The following AP1S3 variants were observed in gnomAD, a reference collection of about 807,000 sequenced individuals.
AP1S3 encodes AP-1 complex subunit sigma-3.
Under a neutral mutation model 20.9 loss-of-function variants are expected in AP1S3, and 10 were observed. The ratio of observed to expected loss-of-function variants is 0.48; its 90% confidence interval spans 0.29 to 0.81. The LOEUF is 0.81. Ranked by LOEUF, AP1S3 falls within the 30% of genes least tolerant of loss-of-function variation. The pLI is 0.08. For missense variants in AP1S3, 154 were observed against 183.8 expected (o/e 0.84, Z 0.94); for synonymous variants, 41 against 61.5 (o/e 0.67, Z 1.56).
At chr2:223,780,353 A>AGTGTGT (rs1559280869) in intron 1 of AP1S3, among the ~76,000 whole-genome samples, 120 of 58,552 alleles carry the variant, frequency 2.0e-3, no homozygotes, top group East Asian at 5.0e-3. Context: ...AGAGAGAGAG[A>AGTGTGT]GAGAGTGTGT....
chr2:223,834,676 G>A (rs1692355883), intron 1 of AP1S3, among the ~76,000 whole-genome samples: 1 of 151,740 alleles, frequency 6.6e-6, no homozygotes, highest in African/African-American at 2.4e-5. Context: ...AGGGTTGCTG[G>A]AGCCTAGGAG....
At chr2:223,791,540 AATAAGGCC>A (rs1691217385) in intron 1 of AP1S3, among the ~76,000 whole-genome samples, 1 of 152,192 alleles carries the variant, frequency 6.6e-6, no homozygotes, top group Non-Finnish European at 1.5e-5. Flanking sequence ...AGCTCAAAAT[AATAAGGCC>A]ATTTGTGACA....
At chr2:223,775,829 C>T in intron 3 of AP1S3, 72 bp downstream of exon 3, 2 of 1,137,074 alleles carry the variant, frequency 1.8e-6, no homozygotes, top group Non-Finnish European at 2.6e-6. Context: ...AGGGATGTGA[C>T]CAGAGACAGA....
intron 1 of AP1S3, among the ~76,000 whole-genome samples, chr2:223,782,761 T>C (rs954887969): frequency 6.6e-6 from 1 of 152,214 alleles, no homozygotes; most frequent in Non-Finnish European, 1.5e-5. Context: ...ATCCAATAAT[T>C]GCATTGCATG....
At chr2:223,804,573 G>A (rs1691535655) in intron 1 of AP1S3, among the ~76,000 whole-genome samples, 1 of 152,100 alleles carries the variant, frequency 6.6e-6, no homozygotes, top group Admixed American at 6.6e-5. Context: ...CAGGCATGGT[G>A]GCACATGCCT....
chr2:223,760,092 T>C (rs1267101335), intron 4 of AP1S3, among the ~76,000 whole-genome samples: 1 of 152,088 alleles, frequency 6.6e-6, no homozygotes, highest in Non-Finnish European at 1.5e-5. Context: ...ATGTTCCAGG[T>C]TCTATACCAT....
intron 1 of AP1S3, among the ~76,000 whole-genome samples, chr2:223,806,736 T>C (rs1166075841): frequency 6.6e-6 from 1 of 152,192 alleles, no homozygotes; most frequent in Non-Finnish European, 1.5e-5. Context: ...TGTGTGTGTG[T>C]GTGAGAAAGT....
chr2:223,837,467 C>T lies in AP1S3; in HGVS notation c.-17G>A. The T allele has an allele frequency of 1.6e-6, 2 of 1,284,492 alleles. No homozygotes were observed. Among genetic ancestry groups the T allele is most frequent in the Non-Finnish European group, 2.0e-6 (2 of 1,014,302 alleles). 79.6% of individuals were successfully genotyped at this position (1,284,492 alleles called of 1,614,324 possible). A position where few individuals can be genotyped will look rare whatever the true frequency, so the allele number is the denominator to read the frequency against. ...ACTCACCATCGTGGCTGGGCCGCCGCCTCCCCCGCCTTGCGAGCAAGGAGC... is the reference window on the plus strand; with the variant it reads ...ACTCACCATCGTGGCTGGGCCGCCGTCTCCCCCGCCTTGCGAGCAAGGAGC... On this transcript the variant is annotated 5_prime_UTR_variant, in exon 1 of 5. Transcript: ENST00000396654.
Position 223,757,084 on chromosome 2 carries a change from G to T in AP1S3, c.*1631C>A. On this transcript the variant is annotated 3_prime_UTR_variant, in exon 5 of 5. Coordinates refer to ENST00000396654, the MANE Select transcript of AP1S3 (RefSeq NM_001039569.2). The stretch of plus-strand genomic sequence containing the variant: ...GGCTCACTGCAACCTCTGCCTCCTG[G>T]GTTCAAGCCATTCCCCTGCCTCAGC... The T allele has an allele frequency of 1.3e-6, 1 of 779,674 alleles. No homozygotes were observed. Among genetic ancestry groups the T allele is most frequent in the Non-Finnish European group, 1.6e-6 (1 of 642,320 alleles). The allele number at this position is 779,674 out of a possible 1,614,324, so 48.3% of individuals were successfully genotyped here. A position where few individuals can be genotyped will look rare whatever the true frequency, so the allele number is the denominator to read the frequency against.
At chr2:223,795,057 C>A (rs1383969001) in intron 1 of AP1S3, among the ~76,000 whole-genome samples, 3 of 152,142 alleles carry the variant, frequency 2.0e-5, no homozygotes, top group Non-Finnish European at 4.4e-5. Flanking sequence ...GGAGACCAGG[C>A]TGACCAATAT....
intron 3 of AP1S3, among the ~76,000 whole-genome samples, chr2:223,771,873 G>A (rs546840235): frequency 2.6e-5 from 4 of 152,324 alleles, no homozygotes; most frequent in African/African-American, 4.8e-5. Flanking sequence ...TTAGGAGGCC[G>A]AGGTGGGTGG....
chr2:223,781,932 T>C (rs528254926), intron 1 of AP1S3, among the ~76,000 whole-genome samples: 46 of 151,958 alleles, frequency 3.0e-4, no homozygotes, highest in Non-Finnish European at 5.9e-4. Flanking sequence ...ATTTTATCCA[T>C]AGATTATATA....
At chr2:223,785,635 A>G (rs1417425366) in intron 1 of AP1S3, among the ~76,000 whole-genome samples, 1 of 152,230 alleles carries the variant, frequency 6.6e-6, no homozygotes, top group African/African-American at 2.4e-5. Context: ...AGTAAATGCC[A>G]AAGTTCTTTC....
chr2:223,834,312 T>G (rs1692346955), intron 1 of AP1S3, among the ~76,000 whole-genome samples: 2 of 152,250 alleles, frequency 1.3e-5, no homozygotes, highest in South Asian at 4.2e-4. Flanking sequence ...AAAATTCCAC[T>G]GGGCCCAATT....
intron 1 of AP1S3, among the ~76,000 whole-genome samples, chr2:223,781,444 C>G (rs1057291908): frequency 6.6e-6 from 1 of 151,582 alleles, no homozygotes; most frequent in Non-Finnish European, 1.5e-5. Flanking sequence ...ATAAACAATT[C>G]AATAATCTTG....
chr2:223,834,537 C>T (rs535239939), intron 1 of AP1S3, among the ~76,000 whole-genome samples: 1 of 152,058 alleles, frequency 6.6e-6, no homozygotes, highest in African/African-American at 2.4e-5. Context: ...CTGCAGTAAG[C>T]CATGTTCATG....
intron 1 of AP1S3, among the ~76,000 whole-genome samples, chr2:223,780,343 AGAGAGAGAGAGAGAGTGTGTGTGT>A (rs1158855983): frequency 5.2e-5 from 6 of 115,016 alleles, no homozygotes; most frequent in African/African-American, 2.2e-4. Context: ...AGAGAGAGAG[AGAGAGAGAGAGAGAGTGTGTGTGT>A]GTGTGTGTGT....
rs1330430339 is a variant in AP1S3, at chr2:223,757,695, C to A, written c.*1020G>T. On this transcript the variant is annotated 3_prime_UTR_variant, in exon 5 of 5. Coordinates refer to ENST00000396654, the MANE Select transcript of AP1S3 (RefSeq NM_001039569.2). ...ATATACTTACAGTAATAATGGTCAG[C>A]AGCAAATCTTTTCTTTGGGGAGGAA... 9 of 985,100 alleles carry A rather than the reference C, an allele frequency of 9.1e-6. No homozygotes were observed. Among genetic ancestry groups the A allele is most frequent in the Non-Finnish European group, 1.1e-5 (9 of 829,924 alleles). The allele number at this position is 985,100 out of a possible 1,614,324, so 61.0% of individuals were successfully genotyped here.
intron 1 of AP1S3, among the ~76,000 whole-genome samples, chr2:223,809,334 C>A (rs1691662156): frequency 6.6e-6 from 1 of 152,158 alleles, no homozygotes; most frequent in Admixed American, 6.6e-5. Flanking sequence ...TCCCTTACCC[C>A]CATTGAATCT....
Sources: gnomAD v4.1 joint callset for allele counts (sites outside exome capture counted in the v4.1 genomes callset) on GRCh38, gnomAD v4.1.1 for gene constraint, MANE v1.5 for transcripts, NCBI Gene and HGNC (gene_info 2026-07-23, HGNC 2026-07-21) for gene names.